Variants in MYCBP2 observed in about 807,000 individuals in gnomAD.
MYCBP2 encodes the protein E3 ubiquitin-protein ligase MYCBP2.
MYCBP2 carries 120 observed loss-of-function variants against 525.3 expected under a neutral mutation model. That is an observed-to-expected ratio of 0.23 (90% CI 0.20 to 0.27). The LOEUF (loss-of-function observed/expected upper bound fraction) is 0.27. Among genes scored for constraint, MYCBP2 ranks in the 10% least tolerant of loss-of-function variants. The pLI, the probability that MYCBP2 is intolerant of heterozygous loss-of-function variation, is 1.00. For synonymous variants in MYCBP2, 1,894 were observed against 1,955.8 expected (o/e 0.97, Z 0.83); for missense variants, 4,149 against 5,657.1 (o/e 0.73, Z 8.55).
intron 3 of MYCBP2, among the ~76,000 whole-genome samples, chr13:77,280,343 T>A (rs973140140): frequency 6.6e-6 from 1 of 152,244 alleles, no homozygotes; most frequent in African/African-American, 2.4e-5. Context: ...ACATTTGATA[T>A]AGTTTCTTTT....
chr13:77,082,936 A>T, intron 63 of MYCBP2, 96 bp downstream of exon 63: 1 of 1,221,526 alleles, frequency 8.2e-7, no homozygotes, highest in South Asian at 1.6e-5. Context: ...ATTCTATCTT[A>T]CTATTTAAAG....
intron 55 of MYCBP2, chr13:77,118,655 G>T: frequency 1.9e-6 from 1 of 518,922 alleles, no homozygotes; most frequent in Non-Finnish European, 3.4e-6. Flanking sequence ...ATCATCCTCA[G>T]ATTAGGGACC....
At chr13:77,119,610 T>C (rs1400514595) in intron 55 of MYCBP2, among the ~76,000 whole-genome samples, 1 of 152,210 alleles carries the variant, frequency 6.6e-6, no homozygotes, top group Non-Finnish European at 1.5e-5. Flanking sequence ...TGGGAACTAC[T>C]GTTACAGATA....
chr13:77,318,159 C>T (rs1389704430), intron 1 of MYCBP2, among the ~76,000 whole-genome samples: 4 of 152,120 alleles, frequency 2.6e-5, no homozygotes, highest in African/African-American at 9.7e-5. Context: ...TGGTCCTTTC[C>T]ACTGTATAAG....
chr13:77,294,134 A>ATATATATATTT (rs1567182906), intron 2 of MYCBP2, among the ~76,000 whole-genome samples: 1 of 130,394 alleles, frequency 7.7e-6, no homozygotes, highest in Non-Finnish European at 1.7e-5. Flanking sequence ...ATATATACAT[A>ATATATATATTT]TATATATACA....
chr13:77,288,531 G>A (rs948353666), intron 2 of MYCBP2, among the ~76,000 whole-genome samples, 155 bp from the exon 3 acceptor site: 1 of 152,124 alleles, frequency 6.6e-6, no homozygotes, highest in African/African-American at 2.4e-5. Context: ...CCAACTTCTA[G>A]TCCCCTTTTC....
intron 26 of MYCBP2, 128 bp from the exon 27 acceptor site, chr13:77,194,372 G>T: frequency 3.2e-6 from 2 of 632,036 alleles, no homozygotes; most frequent in Non-Finnish European, 5.7e-6. Context: ...CAGAGTACCT[G>T]CTTTTTTAAC....
At chr13:77,095,835 C>T (rs1252052670) in intron 57 of MYCBP2, among the ~76,000 whole-genome samples, 1 of 152,042 alleles carries the variant, frequency 6.6e-6, no homozygotes, top group East Asian at 1.9e-4. Flanking sequence ...AATTTAACAC[C>T]TAACTAGTTA....
intron 32 of MYCBP2, among the ~76,000 whole-genome samples, chr13:77,183,184 T>C (rs1025102018): frequency 1.3e-5 from 2 of 152,206 alleles, no homozygotes; most frequent in Non-Finnish European, 2.9e-5. Flanking sequence ...CTGAGTGATA[T>C]TCATCTGTAA....
intron 43 of MYCBP2, 78 bp downstream of exon 43, chr13:77,164,376 C>A: frequency 2.3e-6 from 2 of 866,514 alleles, no homozygotes; most frequent in Middle Eastern, 2.2e-4. Flanking sequence ...TTTTGCAAAT[C>A]TATTTTTGGC....
intron 68 of MYCBP2, 64 bp from the exon 69 acceptor site, chr13:77,070,775 AT>A: frequency 9.8e-7 from 1 of 1,017,670 alleles, no homozygotes; most frequent in Non-Finnish European, 1.4e-6. Flanking sequence ...AAATTTGTAT[AT>A]GTGATATTTC....
At chr13:77,050,953 G>A (rs1215841894) in intron 82 of MYCBP2, 44 bp downstream of exon 82, 2 of 1,493,558 alleles carry the variant, frequency 1.3e-6, no homozygotes, top group African/African-American at 2.8e-5. Context: ...ATAAAACTAT[G>A]GTATATAGAT....
chr13:77,062,780 A>C, intron 73 of MYCBP2, 83 bp from the exon 74 acceptor site: 2 of 1,054,414 alleles, frequency 1.9e-6, no homozygotes, highest in Non-Finnish European at 2.9e-6. Context: ...ACAACAGCTC[A>C]ATAAATGCTG....
At chr13:77,103,369 A>G (rs1026673043) in intron 55 of MYCBP2, 1 of 396,632 alleles carries the variant, frequency 2.5e-6, no homozygotes, top group Non-Finnish European at 4.5e-6. Flanking sequence ...AAAATTTAGC[A>G]GAGAACACAA....
At chr13:77,047,580 A>C (rs1171637773) in intron 82 of MYCBP2, among the ~76,000 whole-genome samples, 1 of 152,118 alleles carries the variant, frequency 6.6e-6, no homozygotes, top group South Asian at 2.1e-4. Flanking sequence ...TCATCCCCAT[A>C]TAACATAAAA....
chr13:77,243,833 C>T lies in MYCBP2; in HGVS notation c.2500G>A (p.Glu834Lys). 6.2e-7 allele frequency: 1 copy of T among 1,613,626 alleles called. No homozygotes were observed. Among genetic ancestry groups the T allele is most frequent in the Non-Finnish European group, 8.5e-7 (1 of 1,179,854 alleles). Residue 834 changes from glutamate to lysine, a missense_variant, in exon 16 of 83, where the codon GAA (glutamate) becomes AAA (lysine). This residue lies in a region of MYCBP2 where 620 missense variants were observed against 795.5 expected (regional missense o/e 0.78). Coordinates refer to ENST00000544440, the MANE Select transcript of MYCBP2 (RefSeq NM_015057.5). ...RQRGILDAVK[E>K]MIPLDLLLAV... ...AAAAGAAGATCTAAAGGTATCATTT[C>T]TTTCACTGCATCAAGAATTCCTCTT...
rs17067213 is a variant in MYCBP2 at position 77,111,958 on chromosome 13, G to A, written c.8140+9415C>T. On this transcript the variant is annotated intron_variant, in intron 55 of 82. Transcript: ENST00000544440. ...TCTCTAGTCTAAGACACTGACACTA[G>A]GTCACTTAAAGCTGCACATGCATGA... is the stretch of plus-strand genomic sequence containing the variant. Among the ~76,000 whole-genome samples the A allele has an allele frequency of 6.9e-3, 1,045 of 152,126 alleles. 6 individuals are homozygous for A. Among genetic ancestry groups the A allele is most frequent in the African/African-American group, 0.024 (994 of 41,508 alleles).
chr13:77,310,478 A>G (rs1224084406), intron 1 of MYCBP2, among the ~76,000 whole-genome samples: 1 of 152,196 alleles, frequency 6.6e-6, no homozygotes, highest in African/African-American at 2.4e-5. Context: ...GTTGCTTTCA[A>G]ACTAAAGAAC....
chr13:77,113,822 G>A (rs1392465147), intron 55 of MYCBP2, among the ~76,000 whole-genome samples: 5 of 152,174 alleles, frequency 3.3e-5, no homozygotes, highest in Non-Finnish European at 1.5e-5. Context: ...TTGTAGGGAT[G>A]CTGGAGATGT....
Sources: gnomAD v4.1 joint callset for allele counts (sites outside exome capture counted in the v4.1 genomes callset) on GRCh38, gnomAD v4.1.1 for gene constraint, gnomAD v4.1.1 regional missense constraint, MANE v1.5 for transcripts, NCBI Gene and HGNC (gene_info 2026-07-23, HGNC 2026-07-21) for gene names.